Variants in TRIP4 observed in about 807,000 individuals in gnomAD.
TRIP4 encodes the protein activating signal cointegrator 1.
Under a neutral mutation model 81.8 loss-of-function variants are expected in TRIP4, and 54 were observed. That is an observed-to-expected ratio of 0.66 (90% CI 0.53 to 0.83). The LOEUF is 0.83. Among genes scored for constraint, TRIP4 ranks in the 40% least tolerant of loss-of-function variants. The probability of loss-of-function intolerance (pLI) is 0.00; values close to 1 mark genes in which losing one functional copy is unlikely to be tolerated. For missense variants in TRIP4, 662 were observed against 683.6 expected, an observed-to-expected ratio of 0.97 and a Z score of 0.35; for synonymous variants, 270 against 242.8, an observed-to-expected ratio of 1.11 and a Z score of -1.04.
At chr15:64,444,558 C>CT (rs1429068258) in intron 11 of TRIP4, 9 of 152,214 alleles carry the variant, frequency 5.9e-5, no homozygotes, top group African/African-American at 2.2e-4. Flanking sequence ...TAGAGAAGGG[C>CT]TATGTGTACT....
intron 4 of TRIP4, among the ~76,000 whole-genome samples, chr15:64,399,767 C>A (rs1891446034): frequency 6.6e-6 from 1 of 152,072 alleles, no homozygotes; most frequent in African/African-American, 2.4e-5. Flanking sequence ...TCCCAAAGTG[C>A]TGGGATTACA....
intron 7 of TRIP4, among the ~76,000 whole-genome samples, chr15:64,413,367 G>T (rs537011730): frequency 3.3e-5 from 5 of 151,826 alleles, no homozygotes; most frequent in Admixed American, 3.3e-4. Flanking sequence ...TGTAGAACCA[G>T]GGTCTCTCTA....
At chr15:64,430,607 G>C (rs1892247796) in intron 11 of TRIP4, among the ~76,000 whole-genome samples, 1 of 152,190 alleles carries the variant, frequency 6.6e-6, no homozygotes, top group Non-Finnish European at 1.5e-5. Context: ...AAAAAGTTGA[G>C]TTGGTGGCTT....
chr15:64,437,687 T>G (rs887456454), intron 11 of TRIP4, among the ~76,000 whole-genome samples: 1 of 151,952 alleles, frequency 6.6e-6, no homozygotes, highest in Non-Finnish European at 1.5e-5. Flanking sequence ...TAGAGATGGG[T>G]TTTGCCATGT....
intron 1 of TRIP4, among the ~76,000 whole-genome samples, chr15:64,388,944 C>A (rs1479549309): frequency 1.3e-5 from 2 of 152,180 alleles, no homozygotes; most frequent in African/African-American, 4.8e-5. Context: ...GCTGCTGTTA[C>A]ACGCCAGGTG....
At chr15:64,445,474 CAA>C (rs35637313) in intron 12 of TRIP4, among the ~76,000 whole-genome samples, 1,487 of 130,998 alleles carry the variant, frequency 0.011, 18 homozygotes, top group African/African-American at 0.035. Context: ...CTAAGATTAC[CAA>C]AAAAAAAAAA....
intron 1 of TRIP4, among the ~76,000 whole-genome samples, chr15:64,389,105 C>T (rs905534272): frequency 3.3e-5 from 5 of 152,072 alleles, no homozygotes; most frequent in African/African-American, 1.2e-4. Flanking sequence ...AACTTTCACC[C>T]GAGAACTAAG....
chr15:64,441,034 C>G (rs114721404), intron 11 of TRIP4, among the ~76,000 whole-genome samples: 2 of 151,734 alleles, frequency 1.3e-5, no homozygotes, highest in African/African-American at 4.8e-5. Context: ...GCTCTGTCAC[C>G]CAGTCTGGAT....
rs114409389 is a variant in TRIP4, at chr15:64,444,466, G to A, written c.1576-540G>A. Among the ~76,000 whole-genome samples the A allele has an allele frequency of 8.4e-3, 1,274 of 152,300 alleles. 16 individuals are homozygous for A. Among genetic ancestry groups the A allele is most frequent in the African/African-American group, 0.029 (1,219 of 41,562 alleles). ...GCTCTAACCAGTTACCTTTTCACCC[G>A]AAGTAGATCTGGAAAGCATCCAGCA... On this transcript the variant is annotated intron_variant, in intron 11 of 12. Transcript: ENST00000261884.
rs1566978163 is a variant in TRIP4, at chr15:64,418,678, CCT to C, written c.1313_1314del (p.Ser438CysfsTer14). On this transcript the variant is annotated frameshift_variant, in exon 9 of 13. Transcript: ENST00000261884. LOFTEE classifies it high-confidence loss of function. The part of the protein sequence containing the change: ...FQEGFDGGWC[L>X]SVHQPWASLL... ...AGGAAGGCTTTGATGGTGGCTGGTG[CCT>C]CTCTGTACATCAGCCCTGGGCTTCT... is the stretch of plus-strand genomic sequence containing the variant. The C allele has an allele frequency of 6.2e-7, 1 of 1,613,984 alleles. No individual in the cohort carries two copies. Among genetic ancestry groups the C allele is most frequent in the Non-Finnish European group, 8.5e-7 (1 of 1,179,998 alleles).
intron 4 of TRIP4, among the ~76,000 whole-genome samples, chr15:64,398,474 A>G (rs1304916981): frequency 6.7e-6 from 1 of 148,946 alleles, no homozygotes; most frequent in Non-Finnish European, 1.5e-5. Flanking sequence ...TGGGCTGGGT[A>G]TGGTGGTGCA....
intron 5 of TRIP4, among the ~76,000 whole-genome samples, chr15:64,401,310 A>AT (rs981654216): frequency 1.1e-4 from 16 of 151,740 alleles, no homozygotes; most frequent in African/African-American, 3.6e-4. Flanking sequence ...AATGTTTTGT[A>AT]TTTTTTAGTA....
At chr15:64,418,357 C>A (rs1336216608) in intron 8 of TRIP4, among the ~76,000 whole-genome samples, 184 bp from the exon 9 acceptor site, 1 of 152,226 alleles carries the variant, frequency 6.6e-6, no homozygotes, top group East Asian at 1.9e-4. Flanking sequence ...AGTGATCCAC[C>A]CGCCTTGGCC....
intron 1 of TRIP4, among the ~76,000 whole-genome samples, chr15:64,392,839 T>A (rs1389237573): frequency 6.6e-6 from 1 of 151,960 alleles, no homozygotes; most frequent in Non-Finnish European, 1.5e-5. Context: ...GGTCTCAAAC[T>A]CCTGGGCCCA....
intron 11 of TRIP4, among the ~76,000 whole-genome samples, chr15:64,434,467 T>C (rs1022151473): frequency 9.9e-5 from 15 of 152,060 alleles, no homozygotes; most frequent in Admixed American, 7.2e-4. Flanking sequence ...ATGATAGGCA[T>C]TCAAATCTAT....
Position 64,406,404 on chromosome 15 carries a change from G to T in TRIP4, c.772G>T (p.Gly258Cys). Reference protein sequence around the residue: ...LPHQELRIKSGLEKAIKHKDK... With the variant: ...LPHQELRIKSCLEKAIKHKDK... ...TCATCAAGAATTGCGAATTAAGTCT[G>T]GTCTGGAGAAGGCTATCAAGCATAA... is the stretch of plus-strand genomic sequence containing the variant. Residue 258 changes from glycine (G) to cysteine (C), a missense_variant, in exon 6 of 13, where the codon GGT becomes TGT. Gly to Cys is a radical substitution (Grantham distance 159). Coordinates refer to ENST00000261884, the MANE Select transcript of TRIP4 (RefSeq NM_016213.5). 1 of 1,614,114 alleles carries T rather than the reference G, an allele frequency of 6.2e-7. No individual in the cohort carries two copies. The highest frequency in any genetic ancestry group is 2.2e-5 in the East Asian group (1 of 44,872).
intron 8 of TRIP4, among the ~76,000 whole-genome samples, chr15:64,415,622 T>C (rs911842595): frequency 2.6e-5 from 4 of 152,220 alleles, no homozygotes; most frequent in Admixed American, 6.5e-5. Flanking sequence ...TGTCACTGTG[T>C]GCTCTCTCCT....
intron 5 of TRIP4, among the ~76,000 whole-genome samples, chr15:64,402,933 C>T (rs186449542): frequency 1.1e-4 from 16 of 145,622 alleles, no homozygotes; most frequent in Admixed American, 8.8e-4. Flanking sequence ...GATCTCGGCT[C>T]GCTGCAAGCT....
At chr15:64,449,615 A>C (rs1187044544) in intron 12 of TRIP4, among the ~76,000 whole-genome samples, 1 of 145,040 alleles carries the variant, frequency 6.9e-6, no homozygotes, top group African/African-American at 2.4e-5. Context: ...AAATGCCTTA[A>C]ATTAAAGGTG....
Sources: allele counts gnomAD v4.1 joint callset (sites outside exome capture counted in the v4.1 genomes callset), GRCh38; gene constraint gnomAD v4.1.1; transcripts MANE v1.5; gene names NCBI Gene and HGNC (gene_info 2026-07-23, HGNC 2026-07-21).